The following CAND1 variants were observed in gnomAD, a reference collection of about 807,000 sequenced individuals.
CAND1 encodes cullin-associated NEDD8-dissociated protein 1.
CAND1 carries 7 observed loss-of-function variants against 108.5 expected under a neutral mutation model. The observed-to-expected ratio is 0.06, with a 90% CI of 0.04 to 0.12. The LOEUF (loss-of-function observed/expected upper bound fraction) is 0.12. CAND1 is among the 10% of genes least tolerant of loss of function. The probability of loss-of-function intolerance (pLI) is 1.00; values close to 1 mark genes in which losing one functional copy is unlikely to be tolerated. For synonymous variants in CAND1, 534 were observed against 512.0 expected, an observed-to-expected ratio of 1.04 and a Z score of -0.58; for missense variants, 941 against 1,448.7, an observed-to-expected ratio of 0.65 and a Z score of 5.69.
At chr12:67,270,987 T>C (rs2135985619) in intron 1 of CAND1, among the ~76,000 whole-genome samples, 1 of 152,292 alleles carries the variant, frequency 6.6e-6, no homozygotes, top group African/African-American at 2.4e-5. Flanking sequence ...CTTTTCGGAT[T>C]TGTGAAAGGA....
intron 1 of CAND1, 81 bp downstream of exon 1, chr12:67,269,866 C>G: frequency 8.0e-7 from 1 of 1,242,284 alleles, no homozygotes; most frequent in East Asian, 2.7e-5. Flanking sequence ...CTTGCCCCAC[C>G]CCTTCGGCCG....
chr12:67,305,238 G>A lies in CAND1; in HGVS notation c.1570G>A (p.Val524Met), dbSNP rs965451658. The A allele has an allele frequency of 6.2e-7, 1 of 1,614,166 alleles. No homozygotes were observed. Among genetic ancestry groups the A allele is most frequent in the Admixed American group, 1.7e-5 (1 of 60,014 alleles). ...HPHVQALVPP[V>M]VACVGDPFYK... ...TCACGTTCAGGCTTTGGTTCCTCCA[G>A]TGGTGGCTTGTGTTGGAGACCCATT... Residue 524 changes from valine (V) to methionine (M), a missense_variant, in exon 10 of 15, where the codon GTG becomes ATG. Val to Met is a conservative substitution (Grantham distance 21, BLOSUM62 1). This residue lies in a region of CAND1 where 697 missense variants were observed against 942.0 expected (regional missense o/e 0.74). Transcript: ENST00000545606. The surrounding 1 kb of genome is among the most constrained non-coding windows in gnomAD (Gnocchi z 4.4).
At chr12:67,291,696 C>G (rs368854115) in intron 2 of CAND1, among the ~76,000 whole-genome samples, 10 of 152,160 alleles carry the variant, frequency 6.6e-5, no homozygotes, top group East Asian at 5.8e-4. Flanking sequence ...TAATAATTCT[C>G]TGCACGAAAC....
chr12:67,290,702 G>A (rs992608322), intron 2 of CAND1, among the ~76,000 whole-genome samples: 8 of 151,986 alleles, frequency 5.3e-5, no homozygotes, highest in African/African-American at 1.9e-4. Context: ...TTGAAGATAG[G>A]GGCCATACTG....
intron 1 of CAND1, among the ~76,000 whole-genome samples, chr12:67,273,661 A>G (rs1008711325): frequency 2.0e-5 from 3 of 151,500 alleles, no homozygotes; most frequent in Non-Finnish European, 2.9e-5. Flanking sequence ...TTTTTTTTAT[A>G]GAGATGGGTA....
Position 67,292,676 on chromosome 12 carries a change from T to C in CAND1, c.267T>C (p.Asp89=), listed in dbSNP as rs958847881. 4.3e-6 allele frequency: 7 copies of C among 1,613,130 alleles called. No homozygotes were observed. Among genetic ancestry groups the C allele is most frequent in the Non-Finnish European group, 5.9e-6 (7 of 1,179,218 alleles). Residue 89 remains aspartate (D), a synonymous_variant, in exon 3 of 15, where the codon GAT becomes GAC. Transcript: ENST00000545606. The part of the protein sequence containing the change: ...VKEYQVETIV[D]TLCTNMLSDK... ...AATACCAAGTAGAGACAATTGTAGATACCCTCTGCACTAACATGCTTTCTG... is the reference window on the plus strand; with the variant it reads ...AATACCAAGTAGAGACAATTGTAGACACCCTCTGCACTAACATGCTTTCTG...
intron 9 of CAND1, 148 bp from the exon 10 acceptor site, chr12:67,304,956 G>T: frequency 4.6e-6 from 4 of 865,068 alleles, no homozygotes; most frequent in Non-Finnish European, 6.9e-6. Flanking sequence ...ATATTTGGCT[G>T]TAATATTTAT....
At position 67,313,429 on chromosome 12, in the gene CAND1, A is replaced by G. The variant is rs1383958404; in HGVS notation, c.*599A>G. ...CTGTTGCGCACACTAATTTTGCATGAGTAAGTTTACAAATATGTATCGTCT... is the reference window on the plus strand; with the variant it reads ...CTGTTGCGCACACTAATTTTGCATGGGTAAGTTTACAAATATGTATCGTCT... On this transcript the variant is annotated 3_prime_UTR_variant, in exon 15 of 15. Coordinates refer to ENST00000545606, the MANE Select transcript of CAND1 (RefSeq NM_018448.5). The G allele has an allele frequency of 6.6e-6, 1 of 152,616 alleles. No homozygotes were observed. Among genetic ancestry groups the G allele is most frequent in the Non-Finnish European group, 1.5e-5 (1 of 68,020 alleles). The allele number at this position is 152,616 out of a possible 1,614,324, so 9.5% of individuals were successfully genotyped here.
chr12:67,306,789 T>C (rs546332271), intron 10 of CAND1, among the ~76,000 whole-genome samples, 192 bp downstream of exon 10: 1 of 152,310 alleles, frequency 6.6e-6, no homozygotes, highest in East Asian at 1.9e-4. Flanking sequence ...AAGGATAGTG[T>C]GGTAATTAGA....
chr12:67,299,072 ATGG>A lies in CAND1; in HGVS notation c.983_985del (p.Gly328del). On this transcript the variant is annotated inframe_deletion, in exon 7 of 15. Coordinates refer to ENST00000545606, the MANE Select transcript of CAND1 (RefSeq NM_018448.5). ...GAAGATGAAAATGCAATGGATGCTG[ATGG>A]TGGTGATGATGATGATCAAGGTATT... 3.3e-6 allele frequency: 5 copies of A among 1,531,754 alleles called. No individual in the cohort carries two copies. Among genetic ancestry groups the A allele is most frequent in the Non-Finnish European group, 4.5e-6 (5 of 1,116,720 alleles). The allele number at this position is 1,531,754 out of a possible 1,614,324, so 94.9% of individuals were successfully genotyped here.
chr12:67,292,859 A>AGGGAG (rs2044735151), intron 3 of CAND1, 83 bp downstream of exon 3: 1 of 1,340,276 alleles, frequency 7.5e-7, no homozygotes, highest in Non-Finnish European at 1.1e-6. Context: ...CTGGCCAAGG[A>AGGGAG]GGGAGGGAGG....
chr12:67,278,583 A>C (rs960023887), intron 1 of CAND1, among the ~76,000 whole-genome samples: 1 of 151,980 alleles, frequency 6.6e-6, no homozygotes, highest in East Asian at 1.9e-4. Flanking sequence ...CAGTGGCTCA[A>C]TCTCGGCTCA....
rs191866389 is a variant in CAND1, at chr12:67,312,517, T to C, written c.3469-89T>C. The stretch of plus-strand genomic sequence containing the variant: ...TGCCTTATGGACCTACGAGAGTAGC[T>C]TTTAGCAGGAAGATCTTATGTGCTT... On this transcript the variant is annotated intron_variant, in intron 14 of 14. Transcript: ENST00000545606. 7.7e-4 allele frequency: 587 copies of C among 761,630 alleles called. 3 individuals are homozygous for C. The highest frequency in any genetic ancestry group is 1.1e-3 in the Non-Finnish European group (516 of 477,136). 47.2% of individuals were successfully genotyped at this position (761,630 alleles called of 1,614,324 possible). A position where few individuals can be genotyped will look rare whatever the true frequency, so the allele number is the denominator to read the frequency against.
chr12:67,279,712 T>G (rs2044602205), intron 1 of CAND1, among the ~76,000 whole-genome samples: 1 of 152,194 alleles, frequency 6.6e-6, no homozygotes, highest in South Asian at 2.1e-4. Context: ...TGTCCTGATT[T>G]CTTAGTCCAG....
chr12:67,297,614 C>T lies in CAND1; in HGVS notation c.699C>T (p.Thr233=). Residue 233 remains threonine (T), a synonymous_variant, in exon 5 of 15, where the codon ACC becomes ACT. Transcript: ENST00000545606. ...ATGATTCTATGTCAACAACAAGAACCTACATACAATGTATTGCTGCTATTA... is the reference window on the plus strand; with the variant it reads ...ATGATTCTATGTCAACAACAAGAACTTACATACAATGTATTGCTGCTATTA... ...SKNDSMSTTR[T]YIQCIAAISR... 6.2e-7 allele frequency: 1 copy of T among 1,613,932 alleles called. No homozygotes were observed. The highest frequency in any genetic ancestry group is 8.5e-7 in the Non-Finnish European group (1 of 1,179,916).
At position 67,305,385 on chromosome 12, in the gene CAND1, A is replaced by G; in HGVS notation, c.1717A>G (p.Ile573Val). The change falls in exon 10 of 15, where the codon ATT becomes GTT. Residue 573 changes from isoleucine (I) to valine (V), a missense_variant. Transcript: ENST00000545606. The surrounding 1 kb of genome is among the most constrained non-coding windows in gnomAD (Gnocchi z 4.4). ...PYIKDLFTCT[I>V]KRLKAADIDQ... ...TATCAAAGATCTATTTACCTGTACC[A>G]TTAAGAGATTAAAAGCAGCTGACAT... 6.2e-7 allele frequency: 1 copy of G among 1,614,096 alleles called. No individual in the cohort carries two copies. The highest frequency in any genetic ancestry group is 8.5e-7 in the Non-Finnish European group (1 of 1,180,010).
intron 1 of CAND1, chr12:67,270,769 T>TAAAAAAAAA (rs10573806): frequency 1.5e-5 from 2 of 137,870 alleles, no homozygotes; most frequent in African/African-American, 2.7e-5. Context: ...GTTCTCAATC[T>TAAAAAAAAA]AAAAAAAAAA....
chr12:67,288,328 A>G (rs947206399), intron 2 of CAND1, among the ~76,000 whole-genome samples: 1 of 151,788 alleles, frequency 6.6e-6, no homozygotes, highest in African/African-American at 2.4e-5. Context: ...GGGTTTCACC[A>G]TGTTGGCCAG....
intron 2 of CAND1, among the ~76,000 whole-genome samples, chr12:67,286,826 C>G (rs533528357): frequency 6.6e-6 from 1 of 152,040 alleles, no homozygotes; most frequent in Non-Finnish European, 1.5e-5. Flanking sequence ...TTTATTTTTG[C>G]AAAGGATGTG....
Sources: gnomAD v4.1 joint callset for allele counts (sites outside exome capture counted in the v4.1 genomes callset) on GRCh38, gnomAD v4.1.1 for gene constraint, gnomAD v4.1.1 regional missense constraint, Gnocchi (gnomAD v3.1) non-coding constraint, MANE v1.5 for transcripts, NCBI Gene and HGNC (gene_info 2026-07-23, HGNC 2026-07-21) for gene names.